The following DLG2 variants were observed in gnomAD, a reference collection of about 807,000 sequenced individuals.
The protein encoded by DLG2 is disks large homolog 2.
In DLG2, 45 loss-of-function variants were observed where a neutral mutation model predicts 132.5. That is an observed-to-expected ratio of 0.34 (90% CI 0.27 to 0.44). The LOEUF is 0.44. Among genes scored for constraint, DLG2 ranks in the 20% least tolerant of loss-of-function variants. The probability of loss-of-function intolerance (pLI) is 1.00; values close to 1 mark genes in which losing one functional copy is unlikely to be tolerated. For synonymous variants in DLG2, 424 were observed against 419.6 expected (o/e 1.01, Z -0.13); for missense variants, 1,045 against 1,196.9 (o/e 0.87, Z 1.87).
At chr11:84,686,745 A>G (rs2153717702) in intron 6 of DLG2, 1 of 151,964 alleles carries the variant, frequency 6.6e-6, no homozygotes, top group South Asian at 2.1e-4. Flanking sequence ...TCATAAAGAA[A>G]TCACACTCCT....
intron 21 of DLG2, among the ~76,000 whole-genome samples, chr11:83,516,316 A>C (rs1242330310): frequency 6.6e-6 from 1 of 152,066 alleles, no homozygotes; most frequent in Non-Finnish European, 1.5e-5. Context: ...TGTTGGTTTA[A>C]TGTCTGTTTT....
intron 3 of DLG2, among the ~76,000 whole-genome samples, chr11:85,292,154 C>G (rs2078934229): frequency 6.6e-6 from 1 of 152,100 alleles, no homozygotes; most frequent in Non-Finnish European, 1.5e-5. Flanking sequence ...GTATCCATAT[C>G]CCATACTTTC....
At chr11:85,451,484 T>G (rs1329680543) in intron 3 of DLG2, among the ~76,000 whole-genome samples, 2 of 152,230 alleles carry the variant, frequency 1.3e-5, no homozygotes, top group Non-Finnish European at 2.9e-5. Flanking sequence ...CTTGCTTTAT[T>G]GTAATATTCA....
intron 7 of DLG2, among the ~76,000 whole-genome samples, chr11:84,366,380 C>T (rs917772073): frequency 3.3e-5 from 5 of 151,740 alleles, no homozygotes; most frequent in African/African-American, 9.7e-5. Flanking sequence ...TAAAGACCAT[C>T]GAGACTAGGA....
rs575330224 is a variant in DLG2, at chr11:84,602,694, C to A, written c.358-67963G>T. On this transcript the variant is annotated intron_variant, in intron 6 of 27. Coordinates refer to ENST00000376104, the MANE Select transcript of DLG2 (RefSeq NM_001142699.3). ...TGCAGTGGGAGAAATAGAGTGATCA[C>A]CTTGGGGCTCTGGAATATTCTCATT... is the stretch of plus-strand genomic sequence containing the variant. Among the ~76,000 whole-genome samples the A allele has an allele frequency of 3.2e-4, 48 of 151,958 alleles. No homozygotes were observed. The South Asian group carries it at 4.8e-3, about 15-fold the overall frequency.
At chr11:84,973,947 T>C (rs1259591177) in intron 6 of DLG2, among the ~76,000 whole-genome samples, 1 of 152,220 alleles carries the variant, frequency 6.6e-6, no homozygotes, top group Non-Finnish European at 1.5e-5. Context: ...AGCTTGCAGA[T>C]TTATAGAAGT....
intron 18 of DLG2, among the ~76,000 whole-genome samples, chr11:83,739,629 T>C (rs905008892): frequency 6.6e-6 from 1 of 152,120 alleles, no homozygotes; most frequent in Non-Finnish European, 1.5e-5. Flanking sequence ...ATCAGAGAAA[T>C]GCAAATTAAA....
chr11:83,769,250 G>A (rs1201193720), intron 18 of DLG2, among the ~76,000 whole-genome samples: 3 of 152,100 alleles, frequency 2.0e-5, no homozygotes, highest in Non-Finnish European at 4.4e-5. Flanking sequence ...CTAGCCATCA[G>A]CTTCTCCACA....
intron 6 of DLG2, among the ~76,000 whole-genome samples, chr11:84,952,835 C>T (rs2051142510): frequency 6.6e-6 from 1 of 152,106 alleles, no homozygotes; most frequent in South Asian, 2.1e-4. Context: ...CCAATTCAGA[C>T]CTAAAGATGA....
At chr11:85,568,256 C>T (rs1016347479) in intron 3 of DLG2, among the ~76,000 whole-genome samples, 2 of 152,020 alleles carry the variant, frequency 1.3e-5, no homozygotes, top group African/African-American at 4.8e-5. Context: ...CTCAGGTGAT[C>T]CAACCACCTC....
At chr11:84,838,324 A>G (rs1455079535) in intron 6 of DLG2, among the ~76,000 whole-genome samples, 1 of 151,810 alleles carries the variant, frequency 6.6e-6, no homozygotes, top group African/African-American at 2.4e-5. Context: ...TTTCTTCACC[A>G]ACAATTGATA....
At chr11:85,246,916 C>T (rs1467821957) in intron 4 of DLG2, among the ~76,000 whole-genome samples, 1 of 152,040 alleles carries the variant, frequency 6.6e-6, no homozygotes, top group East Asian at 1.9e-4. Context: ...AAGAGCATTG[C>T]TGTTTTTGCT....
rs192947340 is a variant in DLG2, at chr11:84,037,484, A to G, written c.919+21831T>C. 2.0e-5 allele frequency among the ~76,000 whole-genome samples: 3 copies of G among 152,244 alleles called. No individual in the cohort carries two copies. In the East Asian group the frequency reaches 5.8e-4, roughly 29 times the overall value. ...CTTTGATTCACTTTGGTTAATGTGA[A>G]TCTGTTCAGACTGTTTATATAACAT... On this transcript the variant is annotated intron_variant, in intron 11 of 27. Coordinates refer to ENST00000376104, the MANE Select transcript of DLG2 (RefSeq NM_001142699.3).
chr11:84,178,402 G>A (rs78249492), intron 8 of DLG2, among the ~76,000 whole-genome samples: 11,656 of 152,140 alleles, frequency 0.077, 523 homozygotes, highest in African/African-American at 0.11. Flanking sequence ...ATGGAAGACT[G>A]GAAGTTTGAG....
At chr11:85,167,362 C>T (rs989968360) in intron 4 of DLG2, among the ~76,000 whole-genome samples, 3 of 152,098 alleles carry the variant, frequency 2.0e-5, no homozygotes, top group Admixed American at 2.0e-4. Flanking sequence ...ATGTTACAAA[C>T]TACAGAGGTA....
intron 17 of DLG2, among the ~76,000 whole-genome samples, chr11:83,794,445 T>C (rs1476634829): frequency 1.3e-5 from 2 of 150,192 alleles, no homozygotes; most frequent in South Asian, 4.2e-4. Context: ...TGGTTTTTTT[T>C]TTTTTTTTTT....
At chr11:84,338,490 G>A (rs1282199632) in intron 7 of DLG2, among the ~76,000 whole-genome samples, 2 of 152,006 alleles carry the variant, frequency 1.3e-5, no homozygotes, top group Non-Finnish European at 2.9e-5. Flanking sequence ...ACCTTAAAAA[G>A]TTCCTTAACA....
intron 9 of DLG2, among the ~76,000 whole-genome samples, chr11:84,129,813 C>A (rs902461791): frequency 6.6e-6 from 1 of 151,966 alleles, no homozygotes; most frequent in Non-Finnish European, 1.5e-5. Context: ...TCCTTGCCCC[C>A]AAAAGCACTT....
chr11:85,121,358 TA>T (rs1260041228), intron 5 of DLG2, among the ~76,000 whole-genome samples: 1 of 151,124 alleles, frequency 6.6e-6, no homozygotes, highest in Non-Finnish European at 1.5e-5. Context: ...ACTACATTAA[TA>T]TTGTTATTCT....
Sources: allele counts gnomAD v4.1 joint callset (sites outside exome capture counted in the v4.1 genomes callset), GRCh38; gene constraint gnomAD v4.1.1; transcripts MANE v1.5; gene names NCBI Gene and HGNC (gene_info 2026-07-23, HGNC 2026-07-21).